The following MAPRE2 variants were observed in gnomAD, a reference collection of about 807,000 sequenced individuals.
The protein encoded by MAPRE2 is microtubule-associated protein RP/EB family member 2.
MAPRE2 carries 13 observed loss-of-function variants against 43.2 expected under a neutral mutation model. That is an observed-to-expected ratio of 0.30 (90% CI 0.20 to 0.48). The LOEUF (loss-of-function observed/expected upper bound fraction) is 0.48, where lower values mean the gene tolerates loss of function less well. MAPRE2 is among the 20% of genes least tolerant of loss of function. The pLI is 0.99. For synonymous variants in MAPRE2, 135 were observed against 148.8 expected, an observed-to-expected ratio of 0.91 and a Z score of 0.68; for missense variants, 161 against 400.2, an observed-to-expected ratio of 0.40 and a Z score of 5.10.
At chr18:35,129,668 G>T (rs997320699) in intron 5 of MAPRE2, among the ~76,000 whole-genome samples, 20 of 152,202 alleles carry the variant, frequency 1.3e-4, no homozygotes, top group African/African-American at 4.8e-4. Flanking sequence ...CTCGGAGCGC[G>T]GGTGGGGCCA....
chr18:35,104,111 G>A (rs1312251082), intron 4 of MAPRE2, among the ~76,000 whole-genome samples: 3 of 152,122 alleles, frequency 2.0e-5, no homozygotes, highest in Admixed American at 1.3e-4. Context: ...AAAAACCGTA[G>A]GAAATTTGTA....
chr18:35,047,731 A>AAC (rs1445892946), intron 1 of MAPRE2, among the ~76,000 whole-genome samples: 1 of 151,798 alleles, frequency 6.6e-6, no homozygotes, highest in Non-Finnish European at 1.5e-5. Context: ...AAAAAAAAAA[A>AAC]ACACTGTGTT....
chr18:35,125,123 T>G (rs978340683), intron 4 of MAPRE2, among the ~76,000 whole-genome samples: 4 of 152,354 alleles, frequency 2.6e-5, no homozygotes, highest in African/African-American at 9.6e-5. Context: ...TTTTAAAAAT[T>G]TTTAACAGAA....
At chr18:34,981,624 G>A (rs753663288) in intron 1 of MAPRE2, among the ~76,000 whole-genome samples, 10 of 152,178 alleles carry the variant, frequency 6.6e-5, no homozygotes, top group African/African-American at 9.6e-5. Context: ...TCATAATTGG[G>A]TAAATGGTAT....
intron 2 of MAPRE2, among the ~76,000 whole-genome samples, chr18:35,094,131 G>T (rs187658176): frequency 6.6e-6 from 1 of 152,128 alleles, no homozygotes; most frequent in South Asian, 2.1e-4. Flanking sequence ...ACAAAGAAAT[G>T]ATAAATGTGT....
intron 3 of MAPRE2, among the ~76,000 whole-genome samples, chr18:35,101,265 AT>A (rs1908665612): frequency 6.6e-6 from 1 of 151,960 alleles, no homozygotes; most frequent in African/African-American, 2.4e-5. Context: ...TCTATTTTTA[AT>A]TTTTGTATGT....
At position 35,137,666 on chromosome 18, in the gene MAPRE2, A is replaced by G. The variant is rs535891685; in HGVS notation, c.910-2629A>G. Among the ~76,000 whole-genome samples, 17 of 152,336 alleles carry G rather than the reference A, an allele frequency of 1.1e-4. No individual in the cohort carries two copies. The East Asian group carries it at 2.9e-3, about 26-fold the overall frequency. On this transcript the variant is annotated intron_variant, in intron 6 of 6. Coordinates refer to ENST00000300249, the MANE Select transcript of MAPRE2 (RefSeq NM_014268.4). Reference sequence around the variant, plus strand: ...ACCACACTCACGTTCAAGAGTTAGGATGCTGAATAAAACAATATAACTCAC... The same window carrying G: ...ACCACACTCACGTTCAAGAGTTAGGGTGCTGAATAAAACAATATAACTCAC...
upstream of MAPRE2, among the ~76,000 whole-genome samples, chr18:35,041,082 G>A (rs1905316708): frequency 6.6e-6 from 1 of 152,212 alleles, no homozygotes; most frequent in African/African-American, 2.4e-5. Context: ...CCCTTTGCAT[G>A]AATCGTTCTT....
At position 35,098,436 on chromosome 18, in the gene MAPRE2, T is replaced by A. The variant is rs574278847; in HGVS notation, c.396+845T>A. Among the ~76,000 whole-genome samples, 5 of 152,310 alleles carry A rather than the reference T, an allele frequency of 3.3e-5. No homozygotes were observed. The East Asian group carries it at 9.6e-4, about 29-fold the overall frequency. On this transcript the variant is annotated intron_variant, in intron 3 of 6. Transcript: ENST00000300249. ...ATATCAGGTTATAAAAGACAGAGAT[T>A]AAAGGAAAGTTTGATAAACTATGTA...
At chr18:35,099,431 A>G (rs866629346) in intron 3 of MAPRE2, among the ~76,000 whole-genome samples, 1 of 152,162 alleles carries the variant, frequency 6.6e-6, no homozygotes, top group Non-Finnish European at 1.5e-5. Context: ...CCTGGTCAAC[A>G]TTGTGAGACC....
At chr18:34,987,327 C>CTAAAATTAA (rs2097021539) in intron 1 of MAPRE2, among the ~76,000 whole-genome samples, 1 of 152,184 alleles carries the variant, frequency 6.6e-6, no homozygotes, top group Non-Finnish European at 1.5e-5. Context: ...GCATCAGCAT[C>CTAAAATTAA]ACCTAGGAGT....
In MAPRE2 at chr18:35,126,055, T is replaced by G. The variant is rs563050354; in HGVS notation, c.611-893T>G. On this transcript the variant is annotated intron_variant, in intron 4 of 6. Transcript: ENST00000300249. ...GCAAAATTGTGATTTATTTTCTAGTTCCAGCATTTCTTGCATATTTAGTGG... is the reference window on the plus strand; with the variant it reads ...GCAAAATTGTGATTTATTTTCTAGTGCCAGCATTTCTTGCATATTTAGTGG... Among the ~76,000 whole-genome samples, 13 of 152,348 alleles carry G rather than the reference T, an allele frequency of 8.5e-5. No homozygotes were observed. In the South Asian group the frequency reaches 2.7e-3, roughly 32 times the overall value.
At chr18:35,075,159 A>G (rs973897285) in intron 2 of MAPRE2, among the ~76,000 whole-genome samples, 16 of 152,300 alleles carry the variant, frequency 1.1e-4, no homozygotes, top group Admixed American at 3.9e-4. Flanking sequence ...CGTGATGGCT[A>G]TGTGGAAGGA....
Position 35,102,098 on chromosome 18 carries a change from C to A in MAPRE2, c.549C>A (p.Asp183Glu). 1 of 1,612,742 alleles carries A rather than the reference C, an allele frequency of 6.2e-7. No homozygotes were observed. Among genetic ancestry groups the A allele is most frequent in the Non-Finnish European group, 8.5e-7 (1 of 1,179,476 alleles). ...GGCAAGATGCAATTCCTCCTCCTGA[C>A]CCTGGTGAACAGATCTTCAACCTGC... ...RQGQDAIPPP[D>E]PGEQIFNLPK... Residue 183 changes from aspartate to glutamate, a missense_variant, in exon 4 of 7, where the codon GAC becomes GAA. Asp to Glu is a conservative substitution (Grantham distance 45). Around this residue, in one of 2 missense-constraint regions of MAPRE2, gnomAD observed 65 missense variants for 246.9 expected, o/e 0.26. Transcript: ENST00000300249.
intron 1 of MAPRE2, among the ~76,000 whole-genome samples, chr18:34,979,052 C>G (rs2097014709): frequency 6.6e-6 from 1 of 152,184 alleles, no homozygotes; most frequent in Non-Finnish European, 1.5e-5. Context: ...CAAGATGCCA[C>G]TTTAACTACT....
intron 6 of MAPRE2, among the ~76,000 whole-genome samples, chr18:35,137,121 TCTG>T (rs760850367): frequency 3.9e-5 from 6 of 152,224 alleles, no homozygotes; most frequent in Non-Finnish European, 5.9e-5. Flanking sequence ...ACAGATGTGT[TCTG>T]CCAGACTCTC....
At chr18:35,006,099 C>T (rs2097031744) in intron 2 of MAPRE2, among the ~76,000 whole-genome samples, 1 of 152,108 alleles carries the variant, frequency 6.6e-6, no homozygotes, top group South Asian at 2.1e-4. Flanking sequence ...TACTCTAAGT[C>T]TCTGTAAGTA....
At chr18:35,028,504 T>G (rs1001802599) in intron 2 of MAPRE2, among the ~76,000 whole-genome samples, 2 of 152,182 alleles carry the variant, frequency 1.3e-5, no homozygotes, top group African/African-American at 4.8e-5. Flanking sequence ...ATAAGGAAGA[T>G]AACATCCCCC....
At chr18:35,037,525 AG>A (rs1409739488), upstream of MAPRE2, among the ~76,000 whole-genome samples, 1 of 152,174 alleles carries the variant, frequency 6.6e-6, no homozygotes, top group African/African-American at 2.4e-5. Flanking sequence ...ATTTTCCAAT[AG>A]GCAGTTGGAG....
Sources: gnomAD v4.1 joint callset for allele counts (sites outside exome capture counted in the v4.1 genomes callset) on GRCh38, gnomAD v4.1.1 for gene constraint, gnomAD v4.1.1 regional missense constraint, MANE v1.5 for transcripts, NCBI Gene and HGNC (gene_info 2026-07-23, HGNC 2026-07-21) for gene names.